The following CNTNAP2 variants were observed in gnomAD, a reference collection of about 807,000 sequenced individuals.
The protein encoded by CNTNAP2 is contactin-associated protein-like 2.
CNTNAP2 carries 98 observed loss-of-function variants against 155.2 expected under a neutral mutation model. The observed-to-expected ratio is 0.63, with a 90% confidence interval of 0.54 to 0.75. The LOEUF is 0.75. Ranked by LOEUF, CNTNAP2 falls within the 30% of genes least tolerant of loss-of-function variation. CNTNAP2 has a pLI of 0.00. For synonymous variants in CNTNAP2, 651 were observed against 631.2 expected (o/e 1.03, Z -0.47); for missense variants, 1,727 against 1,688.1 (o/e 1.02, Z -0.40).
At chr7:148,223,145 T>C (rs1325364379) in intron 19 of CNTNAP2, among the ~76,000 whole-genome samples, 1 of 152,168 alleles carries the variant, frequency 6.6e-6, no homozygotes, top group African/African-American at 2.4e-5. Context: ...CCTGCAATAC[T>C]CCCTTACCTA....
At chr7:146,403,832 T>C (rs1429568301) in intron 1 of CNTNAP2, among the ~76,000 whole-genome samples, 1 of 152,130 alleles carries the variant, frequency 6.6e-6, no homozygotes, top group Non-Finnish European at 1.5e-5. Context: ...ATTTCCAGTT[T>C]CGGTGTACTG....
At chr7:146,919,946 C>T (rs537117651) in intron 3 of CNTNAP2, among the ~76,000 whole-genome samples, 3 of 152,250 alleles carry the variant, frequency 2.0e-5, no homozygotes, top group African/African-American at 7.2e-5. Flanking sequence ...GCAAGTTGGT[C>T]CTTCCTCCTA....
intron 1 of CNTNAP2, among the ~76,000 whole-genome samples, chr7:146,722,617 A>C (rs1801357123): frequency 6.6e-6 from 1 of 152,092 alleles, no homozygotes; most frequent in Non-Finnish European, 1.5e-5. Context: ...AATATTTACT[A>C]TGTAAGTGAC....
chr7:146,720,553 T>A (rs1801268515), intron 1 of CNTNAP2, among the ~76,000 whole-genome samples: 1 of 152,066 alleles, frequency 6.6e-6, no homozygotes, highest in Admixed American at 6.6e-5. Flanking sequence ...ATTAAAGAAT[T>A]ATCCTTCTAG....
At chr7:146,419,304 A>G (rs185023138) in intron 1 of CNTNAP2, among the ~76,000 whole-genome samples, 4 of 152,178 alleles carry the variant, frequency 2.6e-5, no homozygotes, top group East Asian at 3.9e-4. Context: ...TCATCATTCA[A>G]TTATCTCCCA....
chr7:147,806,078 A>G (rs962758522), intron 13 of CNTNAP2, among the ~76,000 whole-genome samples: 4 of 152,236 alleles, frequency 2.6e-5, no homozygotes, highest in Admixed American at 6.5e-5. Flanking sequence ...ACAGAATGGG[A>G]GAAAATATTT....
At chr7:146,868,651 G>A (rs1011790437) in intron 3 of CNTNAP2, among the ~76,000 whole-genome samples, 1 of 152,122 alleles carries the variant, frequency 6.6e-6, no homozygotes, top group Non-Finnish European at 1.5e-5. Context: ...CCATGAGCAT[G>A]GGAGGTTTTT....
chr7:148,143,477 G>A (rs1252872204), intron 16 of CNTNAP2, among the ~76,000 whole-genome samples: 4 of 152,082 alleles, frequency 2.6e-5, no homozygotes, highest in Non-Finnish European at 5.9e-5. Flanking sequence ...CCACGATTTC[G>A]AGATGAGCCT....
At chr7:147,951,563 G>C (rs543043668) in intron 14 of CNTNAP2, among the ~76,000 whole-genome samples, 1 of 152,250 alleles carries the variant, frequency 6.6e-6, no homozygotes, top group Admixed American at 6.5e-5. Flanking sequence ...GTTGTGGTTT[G>C]GGAATATAAG....
At chr7:148,340,325 C>T (rs113170443) in intron 21 of CNTNAP2, among the ~76,000 whole-genome samples, 186 of 152,222 alleles carry the variant, frequency 1.2e-3, no homozygotes, top group African/African-American at 4.3e-3. Flanking sequence ...ATTAACATCC[C>T]GAGGGAAGAT....
chr7:146,710,921 C>T (rs544863628), intron 1 of CNTNAP2, among the ~76,000 whole-genome samples: 4 of 152,118 alleles, frequency 2.6e-5, no homozygotes, highest in South Asian at 2.1e-4. Context: ...CTCCAGCTGG[C>T]CCATTGCAAA....
At chr7:147,312,418 G>A (rs9640500) in intron 9 of CNTNAP2, among the ~76,000 whole-genome samples, 2 of 105,300 alleles carry the variant, frequency 1.9e-5, no homozygotes. Context: ...CCCCTCCCCC[G>A]ACCCCACAAC....
chr7:146,978,841 A>G (rs533866351), intron 3 of CNTNAP2, among the ~76,000 whole-genome samples: 32 of 152,244 alleles, frequency 2.1e-4, no homozygotes, highest in African/African-American at 7.5e-4. Flanking sequence ...AGTAGCTCTC[A>G]GTGCATTGGG....
chr7:146,663,525 A>G (rs570418019), intron 1 of CNTNAP2, among the ~76,000 whole-genome samples: 3 of 152,240 alleles, frequency 2.0e-5, no homozygotes, highest in Non-Finnish European at 2.9e-5. Context: ...GGTCTATTAT[A>G]TAGCTCCATT....
intron 15 of CNTNAP2, among the ~76,000 whole-genome samples, chr7:148,041,229 T>C (rs560560252): frequency 2.1e-4 from 32 of 152,328 alleles, no homozygotes; most frequent in Admixed American, 5.2e-4. Context: ...CAAATGAATA[T>C]AGGCCTTTCA....
intron 8 of CNTNAP2, among the ~76,000 whole-genome samples, chr7:147,225,964 G>GAAGAAAGAGAGA (rs1408811593): frequency 6.7e-6 from 1 of 148,834 alleles, no homozygotes; most frequent in Non-Finnish European, 1.5e-5. Flanking sequence ...AGAGAGAAAG[G>GAAGAAAGAGAGA]AAGAAAGAGA....
chr7:146,205,857 G>A (rs1207385547), intron 1 of CNTNAP2, among the ~76,000 whole-genome samples: 3 of 151,878 alleles, frequency 2.0e-5, no homozygotes, highest in Non-Finnish European at 4.4e-5. Flanking sequence ...TGTATACAGA[G>A]TCATAGACAG....
chr7:146,190,559 A>G (rs1798688025), intron 1 of CNTNAP2, among the ~76,000 whole-genome samples: 1 of 152,256 alleles, frequency 6.6e-6, no homozygotes, highest in Non-Finnish European at 1.5e-5. Flanking sequence ...TTGGCAGGAG[A>G]TATCATGGCT....
At chr7:147,949,460 T>TATATATATATCTATA (rs60849459) in intron 14 of CNTNAP2, among the ~76,000 whole-genome samples, 1 of 92,072 alleles carries the variant, frequency 1.1e-5, no homozygotes, top group Non-Finnish European at 2.9e-5. Context: ...ATATATATAT[T>TATATATATATCTATA]TTTTTTTTTT....
Sources: gnomAD v4.1 joint callset for allele counts (sites outside exome capture counted in the v4.1 genomes callset) on GRCh38, gnomAD v4.1.1 for gene constraint, MANE v1.5 for transcripts, NCBI Gene and HGNC (gene_info 2026-07-23, HGNC 2026-07-21) for gene names.